Variants in FBXL5 observed in about 807,000 individuals in gnomAD.
FBXL5 encodes F-box and leucine rich repeat protein 5.
In FBXL5, 26 loss-of-function variants were observed where a neutral mutation model predicts 78.3. That is an observed-to-expected ratio of 0.33 (90% CI 0.24 to 0.46). The LOEUF (loss-of-function observed/expected upper bound fraction) is 0.46, where lower values mean the gene tolerates loss of function less well. Among genes scored for constraint, FBXL5 ranks in the 20% least tolerant of loss-of-function variants. The pLI, the probability that FBXL5 is intolerant of heterozygous loss-of-function variation, is 1.00. For missense variants in FBXL5, 710 were observed against 829.2 expected, an observed-to-expected ratio of 0.86 and a Z score of 1.77; for synonymous variants, 295 against 282.5, an observed-to-expected ratio of 1.04 and a Z score of -0.45.
chr4:15,677,135 T>C (rs1418486567), intron 1 of FBXL5, among the ~76,000 whole-genome samples: 1 of 152,090 alleles, frequency 6.6e-6, no homozygotes, highest in Non-Finnish European at 1.5e-5. Flanking sequence ...TTCAAGATAA[T>C]GGTTTCCTCT....
At position 15,625,824 on chromosome 4, in the gene FBXL5, A is replaced by G. The variant is rs1389311851; in HGVS notation, c.1278T>C (p.Ile426=). 4 of 1,614,124 alleles carry G rather than the reference A, an allele frequency of 2.5e-6. No individual in the cohort carries two copies. The highest frequency in any genetic ancestry group is 2.5e-6 in the Non-Finnish European group (3 of 1,180,006). The change falls in exon 9 of 11, where the codon ATT becomes ATC. Residue 426 remains isoleucine (I), a synonymous_variant. Coordinates refer to ENST00000341285, the MANE Select transcript of FBXL5 (RefSeq NM_012161.4). Reference sequence around the variant, plus strand: ...CTTTATTTTTCCACGCAGTTGAAGTAATTTTGCTTGTAGATGTTTTCAAAA... The same window carrying G: ...CTTTATTTTTCCACGCAGTTGAAGTGATTTTGCTTGTAGATGTTTTCAAAA... The part of the protein sequence containing the change: ...SGFLKTSTSK[I]TSTAWKNKDI...
intron 9 of FBXL5, among the ~76,000 whole-genome samples, chr4:15,618,357 C>T: frequency 6.6e-6 from 1 of 151,956 alleles, no homozygotes; most frequent in East Asian, 1.9e-4. Context: ...CACAATGAGA[C>T]TAAATATAAT....
chr4:15,678,898 T>A (rs1307890267), intron 1 of FBXL5, among the ~76,000 whole-genome samples: 1 of 152,176 alleles, frequency 6.6e-6, no homozygotes, highest in East Asian at 1.9e-4. Context: ...TTGCAGATCA[T>A]CATAGCTTAA....
At chr4:15,659,597 A>G (rs1017165185), upstream of FBXL5, 8 of 249,448 alleles carry the variant, frequency 3.2e-5, no homozygotes, top group Non-Finnish European at 5.1e-5. Context: ...TTTAGATAAT[A>G]CTAAAATCAT....
At chr4:15,645,480 T>G (rs911452318) in intron 1 of FBXL5, among the ~76,000 whole-genome samples, 5 of 152,048 alleles carry the variant, frequency 3.3e-5, no homozygotes, top group Admixed American at 6.6e-5. Flanking sequence ...CAGGCTAGAG[T>G]GCAGGGGCAT....
At chr4:15,656,222 C>T (rs1027335015), upstream of FBXL5, 10 of 456,144 alleles carry the variant, frequency 2.2e-5, no homozygotes, top group East Asian at 4.9e-4. Flanking sequence ...AAAACAAGGT[C>T]ACTAACCCAG....
intron 9 of FBXL5, among the ~76,000 whole-genome samples, chr4:15,617,969 T>C (rs141779058): frequency 7.9e-5 from 12 of 151,776 alleles, no homozygotes; most frequent in Admixed American, 3.3e-4. Flanking sequence ...AACTTAAAAG[T>C]TGGAAGTTAA....
intron 1 of FBXL5, among the ~76,000 whole-genome samples, chr4:15,665,924 C>T (rs1285566681): frequency 6.6e-6 from 1 of 152,058 alleles, no homozygotes; most frequent in South Asian, 2.1e-4. Flanking sequence ...AGACCATAAG[C>T]CACACCCTTG....
At chr4:15,674,818 T>G (rs994596967) in intron 1 of FBXL5, among the ~76,000 whole-genome samples, 2 of 152,090 alleles carry the variant, frequency 1.3e-5, no homozygotes, top group African/African-American at 4.8e-5. Context: ...CCTGGCTAAT[T>G]TTTTGTGTTT....
At chr4:15,632,862 C>G (rs919915927) in intron 5 of FBXL5, among the ~76,000 whole-genome samples, 3 of 152,100 alleles carry the variant, frequency 2.0e-5, no homozygotes, top group Non-Finnish European at 2.9e-5. Flanking sequence ...CAGAGACAAT[C>G]TGACTTCCTC....
chr4:15,629,058 T>C (rs916939864), intron 6 of FBXL5, among the ~76,000 whole-genome samples: 1 of 152,002 alleles, frequency 6.6e-6, no homozygotes, highest in Admixed American at 6.6e-5. Context: ...TTTAAGAAAG[T>C]TAAACATTCT....
intron 8 of FBXL5, 64 bp from the exon 9 acceptor site, chr4:15,626,041 T>A (rs1713028100): frequency 2.2e-6 from 3 of 1,371,478 alleles, no homozygotes; most frequent in East Asian, 2.5e-5. Context: ...TTTGACTATA[T>A]GCATGTAGAT....
intron 6 of FBXL5, among the ~76,000 whole-genome samples, chr4:15,630,398 G>A (rs62290591): frequency 0.069 from 10,418 of 151,966 alleles, 471 homozygotes; most frequent in Middle Eastern, 0.099. Flanking sequence ...TATAATAAAC[G>A]TACATTATTT....
chr4:15,637,067 G>A (rs937891816), intron 4 of FBXL5, among the ~76,000 whole-genome samples: 8 of 152,204 alleles, frequency 5.3e-5, no homozygotes, highest in African/African-American at 1.7e-4. Context: ...AGATCTCCAA[G>A]GCATTTTTAA....
rs370870648 is a variant in FBXL5 at position 15,655,197 on chromosome 4, C to T, written c.84+7G>A. Reference sequence around the variant, plus strand: ...CGCCCACAGCGGGAGGCTCAGCGCTCCGTTACCTTGTCGCAGTAGAGCCCC... The same window carrying T: ...CGCCCACAGCGGGAGGCTCAGCGCTTCGTTACCTTGTCGCAGTAGAGCCCC... On this transcript the variant is annotated splice_region_variant and intron_variant, in intron 1 of 10. Transcript: ENST00000341285. 117 of 1,405,448 alleles carry T rather than the reference C, an allele frequency of 8.3e-5. No homozygotes were observed. In the African/African-American group the frequency reaches 1.9e-3, roughly 23 times the overall value. The allele number at this position is 1,405,448 out of a possible 1,614,324, so 87.1% of individuals were successfully genotyped here. A position where few individuals can be genotyped will look rare whatever the true frequency, so the allele number is the denominator to read the frequency against.
At chr4:15,643,366 C>A (rs1014994547) in intron 2 of FBXL5, among the ~76,000 whole-genome samples, 1 of 152,216 alleles carries the variant, frequency 6.6e-6, no homozygotes, top group Non-Finnish European at 1.5e-5. Flanking sequence ...TAAGCTTACG[C>A]TTCACCAAGC....
chr4:15,668,573 AAAGG>A (rs375115867), intron 1 of FBXL5, among the ~76,000 whole-genome samples: 14 of 152,324 alleles, frequency 9.2e-5, no homozygotes, highest in Middle Eastern at 3.4e-3. Flanking sequence ...TAAAAAGAAA[AAAGG>A]AAGTATAAAA....
upstream of FBXL5, among the ~76,000 whole-genome samples, chr4:15,660,303 G>C (rs1484311759): frequency 1.3e-5 from 2 of 151,922 alleles, no homozygotes; most frequent in East Asian, 3.9e-4. Flanking sequence ...GGCTGATCTT[G>C]AACTCCTAGC....
Position 15,625,412 on chromosome 4 carries a change from G to A in FBXL5, c.1690C>T (p.Pro564Ser), listed in dbSNP as rs780137993. The change falls in exon 9 of 11, where the codon CCA becomes TCA. Residue 564 changes from proline (P) to serine (S), a missense_variant. This residue lies in a region of FBXL5 where 517 missense variants were observed against 542.9 expected (regional missense o/e 0.95). Transcript: ENST00000341285. The stretch of plus-strand genomic sequence containing the variant: ...TTTCTACACATTGCAGAAGATTCTG[G>A]GAGTGATGACATAGTTCTTAAAGCT... ...GTALRTMSSL[P>S]ESSAMCRKAA... 6.8e-6 allele frequency: 11 copies of A among 1,613,984 alleles called. No homozygotes were observed. In the Admixed American group the frequency reaches 1.3e-4, roughly 20 times the overall value.
Sources: allele counts gnomAD v4.1 joint callset (sites outside exome capture counted in the v4.1 genomes callset), GRCh38; gene constraint gnomAD v4.1.1; regional missense constraint gnomAD v4.1.1; transcripts MANE v1.5; gene names NCBI Gene and HGNC (gene_info 2026-07-23, HGNC 2026-07-21).